Variants in AHCTF1 observed in about 807,000 individuals in gnomAD.
The protein encoded by AHCTF1 is AT-hook containing transcription factor 1.
A neutral mutation model predicts 248.4 loss-of-function variants in AHCTF1; 24 were observed. That is an observed-to-expected ratio of 0.10 (90% CI 0.07 to 0.14). The LOEUF (loss-of-function observed/expected upper bound fraction) is 0.14, where lower values mean the gene tolerates loss of function less well. Among genes scored for constraint, AHCTF1 ranks in the 10% least tolerant of loss-of-function variants. The pLI, the probability that AHCTF1 is intolerant of heterozygous loss-of-function variation, is 1.00. For synonymous variants in AHCTF1, 786 were observed against 929.8 expected, an observed-to-expected ratio of 0.85 and a Z score of 2.81; for missense variants, 2,206 against 2,636.2, an observed-to-expected ratio of 0.84 and a Z score of 3.57.
chr1:246,868,846 GTTTTTTT>G (rs563383895), intron 24 of AHCTF1, among the ~76,000 whole-genome samples: 1 of 128,824 alleles, frequency 7.8e-6, no homozygotes, highest in African/African-American at 3.0e-5. Context: ...TGTGTTTTTT[GTTTTTTT>G]TTTTTTTTTG....
chr1:246,879,528 C>G (rs949535848), intron 21 of AHCTF1, among the ~76,000 whole-genome samples: 2 of 152,104 alleles, frequency 1.3e-5, no homozygotes, highest in Non-Finnish European at 2.9e-5. Flanking sequence ...TTACAGAGAA[C>G]TATTAATAAT....
intron 35 of AHCTF1, among the ~76,000 whole-genome samples, chr1:246,841,786 T>G (rs1413072558): frequency 6.6e-6 from 1 of 152,020 alleles, no homozygotes. Context: ...TTTTATTATT[T>G]TATTTTTATT....
chr1:246,847,412 T>C (rs1558207152), intron 33 of AHCTF1, among the ~76,000 whole-genome samples: 1 of 152,242 alleles, frequency 6.6e-6, no homozygotes, highest in East Asian at 1.9e-4. Context: ...CATATGTATC[T>C]GGAACGATAT....
At chr1:246,868,277 T>A (rs1276904598) in intron 24 of AHCTF1, among the ~76,000 whole-genome samples, 1 of 152,102 alleles carries the variant, frequency 6.6e-6, no homozygotes, top group Non-Finnish European at 1.5e-5. Flanking sequence ...TACAGGAATG[T>A]GCCACCACGC....
chr1:246,875,103 AG>A (rs1455986143), intron 24 of AHCTF1, among the ~76,000 whole-genome samples: 1 of 152,226 alleles, frequency 6.6e-6, no homozygotes, highest in African/African-American at 2.4e-5. Context: ...CCACCCCAGG[AG>A]GTGCTACGAC....
At chr1:246,843,767 C>A in intron 34 of AHCTF1, 28 bp downstream of exon 34, 1 of 1,338,474 alleles carries the variant, frequency 7.5e-7, no homozygotes. Context: ...TTTTAACAAA[C>A]ATACAAATAA....
chr1:246,913,794 T>C (rs1323059843), intron 3 of AHCTF1, among the ~76,000 whole-genome samples: 2 of 152,192 alleles, frequency 1.3e-5, no homozygotes, highest in Admixed American at 6.5e-5. Flanking sequence ...AGCCATAAAA[T>C]CATTACGCAT....
intron 24 of AHCTF1, among the ~76,000 whole-genome samples, chr1:246,868,363 C>T (rs1236747051): frequency 6.8e-6 from 1 of 146,226 alleles, no homozygotes; most frequent in Non-Finnish European, 1.5e-5. Context: ...TCATGTGATC[C>T]ACCCGCCTTG....
chr1:246,868,992 C>T (rs549855644), intron 24 of AHCTF1, among the ~76,000 whole-genome samples: 47 of 150,204 alleles, frequency 3.1e-4, no homozygotes, highest in South Asian at 8.3e-4. Context: ...CTACAGGCGC[C>T]CGCCACCATG....
chr1:246,842,871 A>T, intron 34 of AHCTF1, 95 bp from the exon 35 acceptor site: 1 of 930,624 alleles, frequency 1.1e-6, no homozygotes, highest in Non-Finnish European at 1.6e-6. Flanking sequence ...CCAAACACTG[A>T]TGAATTCAAA....
intron 24 of AHCTF1, among the ~76,000 whole-genome samples, chr1:246,870,390 T>A (rs1263654211): frequency 1.3e-5 from 2 of 152,164 alleles, no homozygotes; most frequent in African/African-American, 2.4e-5. Flanking sequence ...ACCACTGTAC[T>A]AGAGCATCTG....
rs139015537 is a variant in AHCTF1 at position 246,864,846 on chromosome 1, C to CAAAAAA, written c.3348-736_3348-731dup. Among the ~76,000 whole-genome samples, 11 of 2,260 alleles carry CAAAAAA rather than the reference C, an allele frequency of 4.9e-3. 5 individuals carry two copies. The highest frequency in any genetic ancestry group is 3.9e-3 in the Non-Finnish European group (7 of 1,818). 1.5% of individuals were successfully genotyped at this position (2,260 alleles called of 152,430 possible). A position where few individuals can be genotyped will look rare whatever the true frequency, so the allele number is the denominator to read the frequency against. On this transcript the variant is annotated intron_variant, in intron 26 of 35. Coordinates refer to ENST00000648844, the MANE Select transcript of AHCTF1 (RefSeq NM_001323342.2). ...TGGGCGACAGAGCGAGACTCCGTCT[C>CAAAAAA]AAAAAAAAAAAAAAAAAAAAAAAAA...
intron 21 of AHCTF1, among the ~76,000 whole-genome samples, chr1:246,882,957 G>A (rs1663558120): frequency 6.6e-6 from 1 of 152,172 alleles, no homozygotes; most frequent in African/African-American, 2.4e-5. Flanking sequence ...AAGTGGCATC[G>A]TTTAGATTTA....
At chr1:246,877,709 G>A (rs1663077902) in intron 21 of AHCTF1, among the ~76,000 whole-genome samples, 1 of 152,094 alleles carries the variant, frequency 6.6e-6, no homozygotes, top group South Asian at 2.1e-4. Flanking sequence ...GTGTCCATGA[G>A]GAAGGGAAGA....
At position 246,922,561 on chromosome 1, in the gene AHCTF1, AT is replaced by A. The variant is rs1005615375; in HGVS notation, c.-7-4185del. Among the ~76,000 whole-genome samples, 505 of 144,874 alleles carry A rather than the reference AT, an allele frequency of 3.5e-3. 1 individual carries two copies. The highest frequency in any genetic ancestry group is 2.7e-3 in the African/African-American group (108 of 39,926). ...CGTCTCGTGCCACCATGCCTGGCTAATTTTTTTTTTTTAGTAGAAATAAGGT... is the reference window on the plus strand; with the variant it reads ...CGTCTCGTGCCACCATGCCTGGCTAATTTTTTTTTTTAGTAGAAATAAGGT... On this transcript the variant is annotated intron_variant, in intron 1 of 35. Transcript: ENST00000648844.
At chr1:246,848,270 G>T (rs77886043) in intron 33 of AHCTF1, among the ~76,000 whole-genome samples, 1 of 151,784 alleles carries the variant, frequency 6.6e-6, no homozygotes, top group East Asian at 1.9e-4. Flanking sequence ...CTGGAATACA[G>T]TGGCACAATC....
At chr1:246,884,759 C>T (rs1233755379) in intron 21 of AHCTF1, among the ~76,000 whole-genome samples, 1 of 152,158 alleles carries the variant, frequency 6.6e-6, no homozygotes, top group Non-Finnish European at 1.5e-5. Context: ...TTGCTCAAAT[C>T]TGGTTGAAGT....
chr1:246,856,849 G>T (rs1189575714), intron 30 of AHCTF1, among the ~76,000 whole-genome samples: 2 of 152,140 alleles, frequency 1.3e-5, no homozygotes, highest in African/African-American at 4.8e-5. Flanking sequence ...AGGTGGTCTG[G>T]TAAGTCCCTT....
chr1:246,861,387 C>T (rs944114854), intron 28 of AHCTF1, 92 bp from the exon 29 acceptor site: 15 of 1,193,408 alleles, frequency 1.3e-5, no homozygotes, highest in African/African-American at 3.1e-5. Context: ...CCCATACTTT[C>T]TTTGTTGTTT....
Sources: gnomAD v4.1 joint callset for allele counts (sites outside exome capture counted in the v4.1 genomes callset) on GRCh38, gnomAD v4.1.1 for gene constraint, MANE v1.5 for transcripts, NCBI Gene and HGNC (gene_info 2026-07-23, HGNC 2026-07-21) for gene names.